Variants in RBFOX3 observed in about 807,000 individuals in gnomAD.
RBFOX3 encodes RNA binding protein fox-1 homolog 3.
RBFOX3 carries 17 observed loss-of-function variants against 48.7 expected under a neutral mutation model. The observed-to-expected ratio is 0.35, with a 90% CI of 0.24 to 0.52. RBFOX3 has a LOEUF of 0.52. RBFOX3 is among the 20% of genes least tolerant of loss of function. RBFOX3 has a pLI of 0.94. For synonymous variants in RBFOX3, 212 were observed against 209.5 expected (o/e 1.01, Z -0.10); for missense variants, 382 against 497.5 (o/e 0.77, Z 2.21).
intron 6 of RBFOX3, among the ~76,000 whole-genome samples, chr17:79,105,005 G>A (rs1249204984): frequency 6.6e-6 from 1 of 151,962 alleles, no homozygotes; most frequent in East Asian, 1.9e-4. Flanking sequence ...AGTCCCCATG[G>A]GGCAGCCCTG....
Position 79,392,536 on chromosome 17 carries a change from C to T in RBFOX3, c.-174-84712G>A, listed in dbSNP as rs1331274180. On this transcript the variant is annotated intron_variant, in intron 2 of 14. Transcript: ENST00000693108. The surrounding 1 kb of genome is among the most constrained non-coding windows in gnomAD (Gnocchi z 5.0). ...TTCCTGCTGGAGCCACGGGGAGCTG[C>T]CCTTCCCACCCACTTAAGTTAGGCA... 6.6e-6 allele frequency among the ~76,000 whole-genome samples: 1 copy of T among 152,204 alleles called. No individual in the cohort carries two copies. The highest frequency in any genetic ancestry group is 1.9e-4 in the East Asian group (1 of 5,204).
At chr17:79,284,592 T>G (rs1369171909) in intron 3 of RBFOX3, among the ~76,000 whole-genome samples, 1 of 142,816 alleles carries the variant, frequency 7.0e-6, no homozygotes, top group Non-Finnish European at 1.5e-5. Flanking sequence ...CAGGCTAGAG[T>G]GTAGTGGCTT....
chr17:79,157,758 C>T (rs2046140274), intron 4 of RBFOX3, among the ~76,000 whole-genome samples: 1 of 152,208 alleles, frequency 6.6e-6, no homozygotes, highest in Non-Finnish European at 1.5e-5. Flanking sequence ...CATGTTCCAC[C>T]CAGCTCGGCA....
chr17:79,379,901 C>T (rs1332616917), intron 2 of RBFOX3, among the ~76,000 whole-genome samples: 1 of 152,196 alleles, frequency 6.6e-6, no homozygotes, highest in Non-Finnish European at 1.5e-5. Flanking sequence ...CACGAGTCTG[C>T]ATGTGCGTCC....
chr17:79,643,472 A>G, the RBFOX3 span, among the ~76,000 whole-genome samples: 3 of 152,114 alleles, frequency 2.0e-5, no homozygotes, highest in Non-Finnish European at 2.9e-5. Context: ...AAATTCAACA[A>G]CTGCCAAATA....
chr17:79,419,365 G>T (rs1157291627), intron 2 of RBFOX3, among the ~76,000 whole-genome samples: 1 of 152,176 alleles, frequency 6.6e-6, no homozygotes, highest in African/African-American at 2.4e-5. Flanking sequence ...CCAAAGATGA[G>T]CCAACGCCTC....
the RBFOX3 span, among the ~76,000 whole-genome samples, chr17:79,631,334 C>T: frequency 3.3e-5 from 5 of 152,038 alleles, no homozygotes; most frequent in South Asian, 6.2e-4. Flanking sequence ...GAAGGAGACA[C>T]GGGCAGTGAG....
chr17:79,581,104 CG>C (rs1464039794), intron 1 of RBFOX3, among the ~76,000 whole-genome samples: 1 of 152,006 alleles, frequency 6.6e-6, no homozygotes, highest in East Asian at 1.9e-4. Flanking sequence ...AAAAATTAGC[CG>C]GGCATGGTGG....
At chr17:79,403,045 C>T (rs1428622221) in intron 2 of RBFOX3, among the ~76,000 whole-genome samples, 1 of 152,180 alleles carries the variant, frequency 6.6e-6, no homozygotes, top group Non-Finnish European at 1.5e-5. Flanking sequence ...GGCACACTAA[C>T]CCCTGGACCT....
intron 4 of RBFOX3, among the ~76,000 whole-genome samples, chr17:79,170,446 A>T (rs528064210): frequency 6.6e-6 from 1 of 152,222 alleles, no homozygotes; most frequent in South Asian, 2.1e-4. Flanking sequence ...TGTTTTCTCC[A>T]TCAGGGAGCC....
At chr17:79,583,695 G>A (rs1303652221) in intron 1 of RBFOX3, among the ~76,000 whole-genome samples, 2 of 152,312 alleles carry the variant, frequency 1.3e-5, no homozygotes, top group South Asian at 4.1e-4. Context: ...CAGGAGGTAC[G>A]GTGGCTCTGG....
intron 3 of RBFOX3, among the ~76,000 whole-genome samples, chr17:79,257,933 T>C (rs530353024): frequency 2.0e-5 from 3 of 152,236 alleles, no homozygotes; most frequent in Admixed American, 2.0e-4. Flanking sequence ...AAAGCAATGA[T>C]GGTACATTTT....
Position 79,356,348 on chromosome 17 carries a change from GTTTTTTTTTTTTTTTTTTTTTT to G in RBFOX3, c.-174-48546_-174-48525del, listed in dbSNP as rs58040659. Among the ~76,000 whole-genome samples, 96 of 47,332 alleles carry G rather than the reference GTTTTTTTTTTTTTTTTTTTTTT, an allele frequency of 2.0e-3. 6 individuals are homozygous for G. The highest frequency in any genetic ancestry group is 7.4e-3 in the African/African-American group (92 of 12,510). The allele number at this position is 47,332 out of a possible 152,430, so 31.1% of individuals were successfully genotyped here. Reference sequence around the variant, plus strand: ...ACTTTTTCACTTTTAAAACAGGGAAGTTTTTTTTTTTTTTTTTTTTTTTTTTTTTTTTTTTTTTGAGGAGGAG... The same window carrying G: ...ACTTTTTCACTTTTAAAACAGGGAAGTTTTTTTTTTTTTTTTGAGGAGGAG... On this transcript the variant is annotated intron_variant, in intron 2 of 14. Coordinates refer to ENST00000693108, the MANE Select transcript of RBFOX3 (RefSeq NM_001350451.2).
intron 3 of RBFOX3, among the ~76,000 whole-genome samples, chr17:79,244,352 C>A (rs977243265): frequency 1.3e-5 from 2 of 152,170 alleles, no homozygotes; most frequent in African/African-American, 4.8e-5. Context: ...TTTCAGACAG[C>A]AGGGCCCTGA....
At chr17:79,625,948 G>A in the RBFOX3 span, among the ~76,000 whole-genome samples, 3 of 152,268 alleles carry the variant, frequency 2.0e-5, no homozygotes, top group Non-Finnish European at 4.4e-5. Flanking sequence ...GAGCGAGGGG[G>A]TTTGGGGGGA....
chr17:79,369,892 G>A (rs7503797), intron 2 of RBFOX3, among the ~76,000 whole-genome samples: 10 of 152,220 alleles, frequency 6.6e-5, no homozygotes, highest in African/African-American at 2.4e-4. Flanking sequence ...CTCCCACGGA[G>A]AGAGAATTCC....
At chr17:79,417,803 A>G (rs2065636304) in intron 2 of RBFOX3, among the ~76,000 whole-genome samples, 1 of 152,258 alleles carries the variant, frequency 6.6e-6, no homozygotes, top group Non-Finnish European at 1.5e-5. Context: ...CTCAATAGCC[A>G]CACGGGGCGG....
At position 79,190,414 on chromosome 17, in the gene RBFOX3, CAAAAAAAA is replaced by C. The variant is rs71161650; in HGVS notation, c.-34+45344_-34+45351del. Among the ~76,000 whole-genome samples, 164 of 93,528 alleles carry C rather than the reference CAAAAAAAA, an allele frequency of 1.8e-3. 2 individuals are homozygous for C. Among genetic ancestry groups the C allele is most frequent in the Admixed American group, 7.6e-3 (67 of 8,864 alleles). 61.4% of individuals were successfully genotyped at this position (93,528 alleles called of 152,430 possible). A position where few individuals can be genotyped will look rare whatever the true frequency, so the allele number is the denominator to read the frequency against. On this transcript the variant is annotated intron_variant, in intron 4 of 14. Transcript: ENST00000693108. ...CAACAAGAGTAAATCTCTGTCTCACCAAAAAAAAAAAAAAAAACAAAAAAACAGAGTGA... is the reference window on the plus strand; with the variant it reads ...CAACAAGAGTAAATCTCTGTCTCACCAAAAAAAAACAAAAAAACAGAGTGA...
At chr17:79,097,462 C>A in intron 10 of RBFOX3, 38 bp from the exon 11 acceptor site, 1 of 1,506,230 alleles carries the variant, frequency 6.6e-7, no homozygotes, top group Non-Finnish European at 8.9e-7. Context: ...GTGAGAGGCA[C>A]AAGGGGACCC....
Sources: allele counts gnomAD v4.1 joint callset (sites outside exome capture counted in the v4.1 genomes callset), GRCh38; gene constraint gnomAD v4.1.1; non-coding constraint Gnocchi (gnomAD v3.1); transcripts MANE v1.5; gene names NCBI Gene and HGNC (gene_info 2026-07-23, HGNC 2026-07-21).